ENTPD1: variants seen among roughly 807,000 people sequenced by gnomAD.
The protein encoded by ENTPD1 is ATP diphosphohydrolase.
A neutral mutation model predicts 57.0 loss-of-function variants in ENTPD1; 33 were observed. The observed-to-expected ratio is 0.58, with a 90% CI of 0.44 to 0.77. The LOEUF is 0.77. ENTPD1 is among the 30% of genes least tolerant of loss of function. ENTPD1 has a pLI of 0.00. For missense variants in ENTPD1, 501 were observed against 603.4 expected (o/e 0.83, Z 1.78); for synonymous variants, 202 against 218.8 (o/e 0.92, Z 0.68).
rs888589556 is a variant in ENTPD1 at position 95,876,431 on chromosome 10, A to G, written c.*10048A>G. 3 of 1,231,182 alleles carry G rather than the reference A, an allele frequency of 2.4e-6. No individual in the cohort carries two copies. In the African/African-American group the frequency reaches 4.7e-5, roughly 19 times the overall value. The allele number at this position is 1,231,182 out of a possible 1,614,324, so 76.3% of individuals were successfully genotyped here. A position where few individuals can be genotyped will look rare whatever the true frequency, so the allele number is the denominator to read the frequency against. ...ATGTTCCCTTTCTCCTCGGTTCTGCAATCTATAGGCATACCATAATTGTAA... is the reference window on the plus strand; with the variant it reads ...ATGTTCCCTTTCTCCTCGGTTCTGCGATCTATAGGCATACCATAATTGTAA... On this transcript the variant is annotated 3_prime_UTR_variant, in exon 10 of 10. Transcript: ENST00000371205.
chr10:95,866,173 G>T lies in ENTPD1; in HGVS notation c.1327-4G>T, dbSNP rs779167150. ...CACAAACAGACTTTCCCCACTGTTT[G>T]CAGATCCAGGGCAGCGACGCCGGCT... On this transcript the variant is annotated splice_polypyrimidine_tract_variant and splice_region_variant and intron_variant, in intron 9 of 9. Coordinates refer to ENST00000371205, the MANE Select transcript of ENTPD1 (RefSeq NM_001776.6). 3 of 1,612,504 alleles carry T rather than the reference G, an allele frequency of 1.9e-6. No individual in the cohort carries two copies. The highest frequency in any genetic ancestry group is 2.5e-6 in the Non-Finnish European group (3 of 1,179,306).
At chr10:95,862,977 G>A (rs754591968) in intron 8 of ENTPD1, among the ~76,000 whole-genome samples, 1 of 152,192 alleles carries the variant, frequency 6.6e-6, no homozygotes, top group Non-Finnish European at 1.5e-5. Context: ...ATAGAAAGGA[G>A]AGAAGAGAGA....
rs553449571 is a variant in ENTPD1 at position 95,806,994 on chromosome 10, C to T, written c.17-16243C>T. On this transcript the variant is annotated intron_variant, in intron 1 of 9. Coordinates refer to ENST00000371205, the MANE Select transcript of ENTPD1 (RefSeq NM_001776.6). ...GACCCACTTGAGGGGGCAATCTGTC[C>T]GTTTTCAGAGCTCAAACACCATGCT... Among the ~76,000 whole-genome samples the T allele has an allele frequency of 5.9e-5, 9 of 152,296 alleles. No homozygotes were observed. The South Asian group carries it at 6.2e-4, about 11-fold the overall frequency.
At chr10:95,702,305 GA>G in the ENTPD1 span, among the ~76,000 whole-genome samples, 1 of 152,074 alleles carries the variant, frequency 6.6e-6, no homozygotes, top group South Asian at 2.1e-4. Flanking sequence ...TGAAACCTAT[GA>G]AAATGCATCA....
chr10:95,712,456 G>A (rs910731113), intron 1 of ENTPD1, among the ~76,000 whole-genome samples: 3 of 152,178 alleles, frequency 2.0e-5, no homozygotes, highest in Admixed American at 6.5e-5. Flanking sequence ...TGGTCCTTGC[G>A]ATTTTAGGGA....
chr10:95,723,473 C>T (rs2097979972), intron 1 of ENTPD1, among the ~76,000 whole-genome samples: 1 of 152,076 alleles, frequency 6.6e-6, no homozygotes, highest in Non-Finnish European at 1.5e-5. Flanking sequence ...GGTTCATAGC[C>T]TAGGGGCCTA....
intron 1 of ENTPD1, among the ~76,000 whole-genome samples, chr10:95,741,055 A>G (rs2097999851): frequency 6.6e-6 from 1 of 151,962 alleles, no homozygotes; most frequent in East Asian, 1.9e-4. Context: ...TTTTAAAGAA[A>G]TTTTCTTTGC....
the ENTPD1 span, among the ~76,000 whole-genome samples, chr10:95,698,852 A>T: frequency 6.6e-6 from 1 of 152,144 alleles, no homozygotes; most frequent in Non-Finnish European, 1.5e-5. Flanking sequence ...CACATCTACC[A>T]TTTTCTTCTT....
At chr10:95,857,600 T>C (rs1251178373) in intron 7 of ENTPD1, among the ~76,000 whole-genome samples, 2 of 152,246 alleles carry the variant, frequency 1.3e-5, no homozygotes, top group African/African-American at 2.4e-5. Flanking sequence ...GAAGAACTTT[T>C]CCAGGCATTA....
chr10:95,755,299 A>C (rs775048158), upstream of ENTPD1: 4 of 186,010 alleles, frequency 2.2e-5, no homozygotes, highest in Non-Finnish European at 4.5e-5. Context: ...CTGAAATGCT[A>C]AGGTTTGCAA....
At chr10:95,771,954 C>G (rs1030744228) in intron 1 of ENTPD1, among the ~76,000 whole-genome samples, 1 of 152,072 alleles carries the variant, frequency 6.6e-6, no homozygotes, top group Non-Finnish European at 1.5e-5. Flanking sequence ...CAGACCGCTA[C>G]AAAGGAAGTA....
chr10:95,872,372 C>T lies in ENTPD1; in HGVS notation c.*5989C>T. On this transcript the variant is annotated 3_prime_UTR_variant, in exon 10 of 10. Coordinates refer to ENST00000371205, the MANE Select transcript of ENTPD1 (RefSeq NM_001776.6). ...ATCCCACTCCACTCCTCTGATGTTT[C>T]CTACACTACACTACACTATACTACA... 1 of 985,430 alleles carries T rather than the reference C, an allele frequency of 1.0e-6. No individual in the cohort carries two copies. Among genetic ancestry groups the T allele is most frequent in the Non-Finnish European group, 1.2e-6 (1 of 829,928 alleles). 61.0% of individuals were successfully genotyped at this position (985,430 alleles called of 1,614,324 possible). A position where few individuals can be genotyped will look rare whatever the true frequency, so the allele number is the denominator to read the frequency against.
At chr10:95,811,911 CATAAGT>C (rs1222095527) in intron 1 of ENTPD1, among the ~76,000 whole-genome samples, 2 of 152,142 alleles carry the variant, frequency 1.3e-5, no homozygotes, top group African/African-American at 4.8e-5. Flanking sequence ...TTCACATATT[CATAAGT>C]ATATCAGCAG....
In ENTPD1 at chr10:95,873,240, C is replaced by T; in HGVS notation, c.*6857C>T. ...TACAGGCTCTCAGATCAGTGTTCAT[C>T]CACTACCTGACTACTGTCATTCACA... On this transcript the variant is annotated 3_prime_UTR_variant, in exon 10 of 10. Coordinates refer to ENST00000371205, the MANE Select transcript of ENTPD1 (RefSeq NM_001776.6). The T allele has an allele frequency of 1.0e-6, 1 of 984,554 alleles. No individual in the cohort carries two copies. The highest frequency in any genetic ancestry group is 1.2e-6 in the Non-Finnish European group (1 of 829,126). The allele number at this position is 984,554 out of a possible 1,614,324, so 61.0% of individuals were successfully genotyped here.
rs770395918 is a variant in ENTPD1, at chr10:95,847,725, G to A, written c.1074+19G>A. The A allele has an allele frequency of 5.0e-6, 8 of 1,614,018 alleles. No individual in the cohort carries two copies. The highest frequency in any genetic ancestry group is 3.3e-5 in the Admixed American group (2 of 60,008). ...TTTTGGGGTAAGTTTGTGAAATGAT[G>A]AGGTATAGGATGTCTTGTTTACAAG... On this transcript the variant is annotated intron_variant, in intron 7 of 9. Coordinates refer to ENST00000371205, the MANE Select transcript of ENTPD1 (RefSeq NM_001776.6).
At chr10:95,803,192 T>TC (rs1158530362) in intron 1 of ENTPD1, among the ~76,000 whole-genome samples, 29 of 152,216 alleles carry the variant, frequency 1.9e-4, no homozygotes, top group Admixed American at 5.9e-4. Context: ...TCCATGAGCA[T>TC]GGAATGTTTT....
the ENTPD1 span, among the ~76,000 whole-genome samples, chr10:95,694,736 G>T: frequency 6.6e-6 from 1 of 151,866 alleles, no homozygotes; most frequent in African/African-American, 2.4e-5. Flanking sequence ...TGTTCTTCCC[G>T]GGAATGGCGT....
chr10:95,768,400 A>T (rs758257744), intron 1 of ENTPD1, among the ~76,000 whole-genome samples: 6 of 151,142 alleles, frequency 4.0e-5, no homozygotes, highest in Non-Finnish European at 7.4e-5. Flanking sequence ...ACCTATTTGG[A>T]TCTCTTATCT....
chr10:95,848,737 T>C (rs2098439940), intron 7 of ENTPD1, among the ~76,000 whole-genome samples: 1 of 152,220 alleles, frequency 6.6e-6, no homozygotes, highest in Admixed American at 6.5e-5. Flanking sequence ...CTGACATCTT[T>C]TCAGATCCTG....
Sources: gnomAD v4.1 joint callset for allele counts (sites outside exome capture counted in the v4.1 genomes callset) on GRCh38, gnomAD v4.1.1 for gene constraint, MANE v1.5 for transcripts, NCBI Gene and HGNC (gene_info 2026-07-23, HGNC 2026-07-21) for gene names.